SLC7A8: variants seen among roughly 807,000 people sequenced by gnomAD.
SLC7A8 encodes large neutral amino acids transporter small subunit 2.
SLC7A8 carries 30 observed loss-of-function variants against 51.2 expected under a neutral mutation model. The ratio of observed to expected loss-of-function variants is 0.59; its 90% CI spans 0.44 to 0.80. The LOEUF is 0.80. Ranked by LOEUF, SLC7A8 falls within the 30% of genes least tolerant of loss-of-function variation. SLC7A8 has a pLI of 0.00. For synonymous variants in SLC7A8, 257 were observed against 275.8 expected (o/e 0.93, Z 0.67); for missense variants, 612 against 674.4 (o/e 0.91, Z 1.03).
chr14:23,148,258 C>T (rs1431044952), intron 3 of SLC7A8, among the ~76,000 whole-genome samples: 1 of 151,726 alleles, frequency 6.6e-6, no homozygotes, highest in African/African-American at 2.4e-5. Flanking sequence ...GACAGAGTTT[C>T]GCTCTTGTTG....
chr14:23,180,160 C>G lies in SLC7A8; in HGVS notation c.151+2604G>C, dbSNP rs1239357969. On this transcript the variant is annotated intron_variant, in intron 1 of 10. Coordinates refer to ENST00000316902, the MANE Select transcript of SLC7A8 (RefSeq NM_012244.4). ...TGACCTCGTGATCCGCCCGCCTTGG[C>G]CTCCCAAAGTGCTGGGATTACAGGT... Among the ~76,000 whole-genome samples, 5 of 152,306 alleles carry G rather than the reference C, an allele frequency of 3.3e-5. No homozygotes were observed. In the East Asian group the frequency reaches 9.7e-4, roughly 29 times the overall value.
intron 3 of SLC7A8, among the ~76,000 whole-genome samples, chr14:23,153,416 C>G (rs1039880534): frequency 5.9e-5 from 9 of 152,180 alleles, no homozygotes; most frequent in African/African-American, 1.7e-4. Context: ...ACTCTGCTTT[C>G]CCTTGGCCGC....
chr14:23,129,787 G>C lies in SLC7A8; in HGVS notation c.1126C>G (p.Leu376Val). The C allele has an allele frequency of 6.2e-7, 1 of 1,614,154 alleles. No individual in the cohort carries two copies. Among genetic ancestry groups the C allele is most frequent in the Non-Finnish European group, 8.5e-7 (1 of 1,180,012 alleles). ...ATGTCGCTGGTGACCAGCATCAGCAGGGTGGAGATGCACTGGGAAAGTGGG... is the reference window on the plus strand; with the variant it reads ...ATGTCGCTGGTGACCAGCATCAGCACGGTGGAGATGCACTGGGAAAGTGGG... ...PALLFTCIST[L>V]LMLVTSDMYT... is the part of the protein sequence containing the mutation. Residue 376 changes from leucine (L) to valine (V), a missense_variant, in exon 9 of 11, where the codon CTG (leucine) becomes GTG (valine). Leu to Val is a conservative substitution (Grantham distance 32). Coordinates refer to ENST00000316902, the MANE Select transcript of SLC7A8 (RefSeq NM_012244.4).
At chr14:23,181,485 AAG>A (rs1330639305) in intron 1 of SLC7A8, among the ~76,000 whole-genome samples, 2 of 152,042 alleles carry the variant, frequency 1.3e-5, no homozygotes, top group Non-Finnish European at 2.9e-5. Flanking sequence ...TTAGAGACTG[AAG>A]AGAGCTTGGT....
chr14:23,145,452 G>A (rs868234970), intron 3 of SLC7A8, among the ~76,000 whole-genome samples: 9 of 150,070 alleles, frequency 6.0e-5, no homozygotes, highest in African/African-American at 1.7e-4. Flanking sequence ...ACTTGTACCC[G>A]GGAGGCGGAG....
intron 3 of SLC7A8, among the ~76,000 whole-genome samples, chr14:23,157,413 G>A (rs1338975921): frequency 3.3e-5 from 5 of 152,064 alleles, no homozygotes; most frequent in Admixed American, 3.3e-4. Flanking sequence ...CCATCCTTTA[G>A]CTTTGCAGCA....
chr14:23,155,587 T>C, intron 3 of SLC7A8: 2 of 908,560 alleles, frequency 2.2e-6, no homozygotes, highest in South Asian at 9.7e-5. Context: ...AGCGAAAAAC[T>C]GGACACCAAG....
In SLC7A8 at chr14:23,137,983, C is replaced by T; in HGVS notation, c.954G>A (p.Met318Ile). 6.2e-7 allele frequency: 1 copy of T among 1,614,016 alleles called. No homozygotes were observed. Among genetic ancestry groups the T allele is most frequent in the East Asian group, 2.2e-5 (1 of 44,858 alleles). The change falls in exon 7 of 11, where the codon ATG (methionine) becomes ATA (isoleucine). Residue 318 changes from methionine to isoleucine, a missense_variant. Transcript: ENST00000316902. The stretch of plus-strand genomic sequence containing the variant: ...ATGTGGACAGGGCAACAGAAATGGG[C>T]ATGATCCAGGCCATGACTCCTAGGA... ...EKLLGVMAWIMPISVALSTFG... is the reference protein window; with the variant it reads ...EKLLGVMAWIIPISVALSTFG...
Position 23,131,536 on chromosome 14 carries a change from T to G in SLC7A8, c.1038A>C (p.Arg346=). The G allele has an allele frequency of 6.2e-7, 1 of 1,606,760 alleles. No homozygotes were observed. The highest frequency in any genetic ancestry group is 8.5e-7 in the Non-Finnish European group (1 of 1,176,972). Residue 346 remains arginine, a synonymous_variant, in exon 8 of 11, where the codon CGA becomes CGC. Coordinates refer to ENST00000316902, the MANE Select transcript of SLC7A8 (RefSeq NM_012244.4). ...TSSRLFFAGA[R]EGHLPSVLAM... Reference sequence around the variant, plus strand: ...CCAACACACTGGGAAGGTGGCCCTCTCGGGCTCCAGCGAAGAACAGCCTGT... The same window carrying G: ...CCAACACACTGGGAAGGTGGCCCTCGCGGGCTCCAGCGAAGAACAGCCTGT...
At chr14:23,141,663 A>G (rs536431208) in intron 4 of SLC7A8, among the ~76,000 whole-genome samples, 1 of 152,210 alleles carries the variant, frequency 6.6e-6, no homozygotes, top group African/African-American at 2.4e-5. Flanking sequence ...CATGTTGGCC[A>G]GGTTGGTCTC....
intron 1 of SLC7A8, among the ~76,000 whole-genome samples, chr14:23,167,263 G>T (rs1459478623): frequency 6.6e-6 from 1 of 152,114 alleles, no homozygotes; most frequent in Non-Finnish European, 1.5e-5. Flanking sequence ...TCTTTCAAAG[G>T]TCATTACCCA....
chr14:23,158,465 C>T (rs1400359354), intron 3 of SLC7A8, among the ~76,000 whole-genome samples: 1 of 152,184 alleles, frequency 6.6e-6, no homozygotes, highest in African/African-American at 2.4e-5. Flanking sequence ...CCTACCTCAG[C>T]CTCCTGAGCA....
intron 1 of SLC7A8, among the ~76,000 whole-genome samples, chr14:23,176,332 A>G (rs1341634133): frequency 1.3e-5 from 2 of 151,820 alleles, no homozygotes; most frequent in South Asian, 2.1e-4. Flanking sequence ...TTTTCCCCCA[A>G]TTTTTTCAGT....
At chr14:23,138,253 T>G (rs2048709834) in intron 6 of SLC7A8, 2 of 519,452 alleles carry the variant, frequency 3.9e-6, no homozygotes, top group South Asian at 4.8e-5. Context: ...GTAATAATAA[T>G]AATGAACTAA....
Position 23,127,149 on chromosome 14 carries a change from G to GGA in SLC7A8, c.*26_*27dup. ...GGAGGTAGGATAAAAGGGGGAGGAA[G>GGA]GAGAGAGTAGCCAGGGAATGGTGGT... On this transcript the variant is annotated 3_prime_UTR_variant, in exon 11 of 11. Coordinates refer to ENST00000316902, the MANE Select transcript of SLC7A8 (RefSeq NM_012244.4). 6.2e-7 allele frequency: 1 copy of GGA among 1,612,728 alleles called. No homozygotes were observed.
intron 5 of SLC7A8, 80 bp downstream of exon 5, chr14:23,140,391 T>C: frequency 6.9e-7 from 1 of 1,442,738 alleles, no homozygotes; most frequent in Non-Finnish European, 9.4e-7. Flanking sequence ...AGGTGGGCAA[T>C]GGACACCTGC....
chr14:23,135,482 C>T (rs2048681085), intron 7 of SLC7A8, among the ~76,000 whole-genome samples: 1 of 150,928 alleles, frequency 6.6e-6, no homozygotes, highest in Non-Finnish European at 1.5e-5. Flanking sequence ...GCGGGCGGAT[C>T]ACGAGGTCAG....
At chr14:23,151,176 C>A (rs2048843602) in intron 3 of SLC7A8, among the ~76,000 whole-genome samples, 1 of 152,190 alleles carries the variant, frequency 6.6e-6, no homozygotes, top group South Asian at 2.1e-4. Context: ...GCCAGCGGTG[C>A]ACACGCAGCC....
At chr14:23,162,161 A>T (rs933641840) in intron 3 of SLC7A8, among the ~76,000 whole-genome samples, 1 of 152,068 alleles carries the variant, frequency 6.6e-6, no homozygotes, top group Non-Finnish European at 1.5e-5. Flanking sequence ...GTCAGGTATA[A>T]GGAAAGGGAG....
Sources: gnomAD v4.1 joint callset for allele counts (sites outside exome capture counted in the v4.1 genomes callset) on GRCh38, gnomAD v4.1.1 for gene constraint, MANE v1.5 for transcripts, NCBI Gene and HGNC (gene_info 2026-07-23, HGNC 2026-07-21) for gene names.